Variants in KIF1A observed in about 807,000 individuals in gnomAD.
The protein encoded by KIF1A is kinesin-like protein KIF1A.
Under a neutral mutation model 227.3 loss-of-function variants are expected in KIF1A, and 46 were observed. The observed-to-expected ratio is 0.20, with a 90% confidence interval of 0.16 to 0.26. The LOEUF (loss-of-function observed/expected upper bound fraction) is 0.26, where lower values mean the gene tolerates loss of function less well. Ranked by LOEUF, KIF1A falls within the 10% of genes least tolerant of loss-of-function variation. The probability of loss-of-function intolerance (pLI) is 1.00; values close to 1 mark genes in which losing one functional copy is unlikely to be tolerated. For synonymous variants in KIF1A, 1,022 were observed against 1,012.8 expected (o/e 1.01, Z -0.17); for missense variants, 1,683 against 2,485.9 (o/e 0.68, Z 6.87).
intron 20 of KIF1A, among the ~76,000 whole-genome samples, chr2:240,763,673 G>A (rs1265806262): frequency 6.6e-6 from 1 of 152,158 alleles, no homozygotes; most frequent in Non-Finnish European, 1.5e-5. Context: ...GCACACATGG[G>A]AGCCAGGACC....
chr2:240,774,304 C>T (rs774482861), intron 11 of KIF1A, 43 bp from the exon 12 acceptor site: 1 of 1,360,014 alleles, frequency 7.4e-7, no homozygotes, highest in Admixed American at 1.7e-5. Context: ...GGGATCTAGG[C>T]CCCAGGGCTA....
At chr2:240,721,359 G>A (rs1374550922) in intron 44 of KIF1A, among the ~76,000 whole-genome samples, 1 of 152,264 alleles carries the variant, frequency 6.6e-6, no homozygotes, top group Non-Finnish European at 1.5e-5. Context: ...GCTGGGTGAT[G>A]CCATGGGGAC....
chr2:240,776,624 C>G (rs936788232), intron 10 of KIF1A, among the ~76,000 whole-genome samples: 2 of 152,244 alleles, frequency 1.3e-5, no homozygotes, highest in Non-Finnish European at 2.9e-5. Flanking sequence ...CTGTGACTGA[C>G]TTAATGATCC....
chr2:240,786,583 T>G, intron 5 of KIF1A, 70 bp from the exon 6 acceptor site: 1 of 1,440,514 alleles, frequency 6.9e-7, no homozygotes, highest in Admixed American at 1.8e-5. Flanking sequence ...GGGGGACCCC[T>G]GAGTGAGGGG....
At chr2:240,804,159 G>A (rs191942141) in intron 1 of KIF1A, among the ~76,000 whole-genome samples, 301 of 152,250 alleles carry the variant, frequency 2.0e-3, no homozygotes, top group African/African-American at 7.0e-3. Flanking sequence ...CCAGCTACTC[G>A]GGAGGCTGAC....
Position 240,784,973 on chromosome 2 carries a change from G to A in KIF1A, c.720+16C>T, listed in dbSNP as rs1228271842. The A allele has an allele frequency of 6.2e-7, 1 of 1,605,458 alleles. No individual in the cohort carries two copies. Among genetic ancestry groups the A allele is most frequent in the African/African-American group, 1.3e-5 (1 of 74,878 alleles). Reference sequence around the variant, plus strand: ...CACTGCCCTTGGTGGCACCGCCTGTGAGGCCACTCACTCACCTTCTCCGTG... The same window carrying A: ...CACTGCCCTTGGTGGCACCGCCTGTAAGGCCACTCACTCACCTTCTCCGTG... On this transcript the variant is annotated intron_variant, in intron 7 of 48. Coordinates refer to ENST00000498729, the MANE Select transcript of KIF1A (RefSeq NM_001244008.2).
At chr2:240,773,699 G>A (rs1021753890) in intron 12 of KIF1A, among the ~76,000 whole-genome samples, 9 of 152,194 alleles carry the variant, frequency 5.9e-5, no homozygotes, top group African/African-American at 2.2e-4. Flanking sequence ...TGGGCCACAC[G>A]CCCTTTGTTT....
chr2:240,801,949 G>C (rs4676441), intron 1 of KIF1A, among the ~76,000 whole-genome samples: 67,657 of 152,050 alleles, frequency 0.44, 16,260 homozygotes, highest in African/African-American at 0.64. Context: ...AATGACCATG[G>C]ATTGTCCAAA....
chr2:240,786,757 A>ATCAGGACCCCTGAGTGAG (rs1559529963), intron 5 of KIF1A, among the ~76,000 whole-genome samples: 5 of 20,198 alleles, frequency 2.5e-4, no homozygotes, highest in African/African-American at 8.1e-4. Flanking sequence ...CCTGAGTGAG[A>ATCAGGACCCCTGAGTGAG]GGGTAGGGGC....
chr2:240,791,124 C>A (rs1031127522), intron 2 of KIF1A, among the ~76,000 whole-genome samples: 2 of 152,082 alleles, frequency 1.3e-5, no homozygotes, highest in African/African-American at 2.4e-5. Context: ...CCATCACAGC[C>A]CTGTCCTCGG....
chr2:240,807,535 G>A (rs139014905), intron 1 of KIF1A, among the ~76,000 whole-genome samples: 20 of 152,294 alleles, frequency 1.3e-4, no homozygotes, highest in African/African-American at 4.8e-4. Flanking sequence ...ATACTGTATT[G>A]TCCAGGTAAT....
intron 28 of KIF1A, among the ~76,000 whole-genome samples, chr2:240,747,579 A>G (rs927403948): frequency 6.6e-6 from 1 of 152,198 alleles, no homozygotes; most frequent in African/African-American, 2.4e-5. Context: ...CACAAAGTCT[A>G]TATTTTCAAA....
chr2:240,722,738 C>A, intron 42 of KIF1A, 82 bp from the exon 43 acceptor site: 1 of 1,176,696 alleles, frequency 8.5e-7, no homozygotes, highest in Non-Finnish European at 1.2e-6. Context: ...AGCAGCATGA[C>A]CCTCTGGGCA....
Position 240,725,600 on chromosome 2 carries a change from T to A in KIF1A, c.4123-196A>T, listed in dbSNP as rs531657160. ...TCGAGAAAACCCCACTGGGGACAGG[T>A]AGCCACAGCTCTGTCCACCCCTGGG... On this transcript the variant is annotated intron_variant, in intron 39 of 48. Coordinates refer to ENST00000498729, the MANE Select transcript of KIF1A (RefSeq NM_001244008.2). The surrounding 1 kb of genome is among the most constrained non-coding windows in gnomAD (Gnocchi z 5.8). 26 of 591,324 alleles carry A rather than the reference T, an allele frequency of 4.4e-5. No individual in the cohort carries two copies. Among genetic ancestry groups the A allele is most frequent in the Non-Finnish European group, 6.5e-5 (22 of 340,224 alleles). 36.6% of individuals were successfully genotyped at this position (591,324 alleles called of 1,614,324 possible). A position where few individuals can be genotyped will look rare whatever the true frequency, so the allele number is the denominator to read the frequency against.
At chr2:240,723,933 C>T (rs749582070) in intron 41 of KIF1A, 42 bp downstream of exon 41, 9 of 1,551,554 alleles carry the variant, frequency 5.8e-6, no homozygotes, top group Admixed American at 1.7e-5. Flanking sequence ...AGAGGTTGAG[C>T]AGGCCAGGAA....
At chr2:240,744,404 C>T (rs1231269044) in intron 32 of KIF1A, among the ~76,000 whole-genome samples, 2 of 152,206 alleles carry the variant, frequency 1.3e-5, no homozygotes, top group Non-Finnish European at 2.9e-5. Context: ...CCCCACTCAG[C>T]AAGAGTTATG....
Position 240,752,080 on chromosome 2 carries a change from G to C in KIF1A, c.2859-1533C>G, listed in dbSNP as rs1232386634. Among the ~76,000 whole-genome samples, 1 of 151,962 alleles carries C rather than the reference G, an allele frequency of 6.6e-6. No individual in the cohort carries two copies. The highest frequency in any genetic ancestry group is 1.5e-5 in the Non-Finnish European group (1 of 67,976). ...CTTGCTGCCCTCCAGGGGCCTGAAA[G>C]TCTCCTCAGGCCTCTCTCCGGGGGT... is the stretch of plus-strand genomic sequence containing the variant. On this transcript the variant is annotated intron_variant, in intron 27 of 48. Transcript: ENST00000498729. This position sits in a 1 kb window ranked among gnomAD's most constrained non-coding sequence, Gnocchi z 6.4.
rs1048875638 is a variant in KIF1A, at chr2:240,737,283, C to T, written c.3902-115G>A. On this transcript the variant is annotated intron_variant, in intron 37 of 48. Transcript: ENST00000498729. Reference sequence around the variant, plus strand: ...CCAGCTCCCCACATGGTCACTAGAGCGTCTGTCAAAGGCGGTGCCAGGGGG... The same window carrying T: ...CCAGCTCCCCACATGGTCACTAGAGTGTCTGTCAAAGGCGGTGCCAGGGGG... 30 of 807,652 alleles carry T rather than the reference C, an allele frequency of 3.7e-5. No homozygotes were observed. In the Admixed American group the frequency reaches 3.8e-4, roughly 10 times the overall value. The allele number at this position is 807,652 out of a possible 1,614,324, so 50.0% of individuals were successfully genotyped here.
upstream of KIF1A, among the ~76,000 whole-genome samples, chr2:240,820,765 CG>C (rs1323479337): frequency 2.1e-4 from 32 of 152,004 alleles, no homozygotes; most frequent in Non-Finnish European, 4.3e-4. The surrounding 1 kb of genome is among the most constrained non-coding windows in gnomAD (Gnocchi z 6.2). Context: ...GTGTCGGGGC[CG>C]GGGCGCCGGG....
Sources: gnomAD v4.1 joint callset for allele counts (sites outside exome capture counted in the v4.1 genomes callset) on GRCh38, gnomAD v4.1.1 for gene constraint, Gnocchi (gnomAD v3.1) non-coding constraint, MANE v1.5 for transcripts, NCBI Gene and HGNC (gene_info 2026-07-23, HGNC 2026-07-21) for gene names.